Variants in EXT1 observed in about 807,000 individuals in gnomAD.
The protein encoded by EXT1 is exostosin-1.
Under a neutral mutation model 82.5 loss-of-function variants are expected in EXT1, and 20 were observed. The observed-to-expected ratio is 0.24, with a 90% confidence interval of 0.17 to 0.35. The LOEUF is 0.35. Among genes scored for constraint, EXT1 ranks in the 10% least tolerant of loss-of-function variants. The pLI is 1.00. For missense variants in EXT1, 757 were observed against 936.5 expected, an observed-to-expected ratio of 0.81 and a Z score of 2.50; for synonymous variants, 348 against 350.8, an observed-to-expected ratio of 0.99 and a Z score of 0.09.
At chr8:117,802,297 C>T (rs1349763704) in intron 10 of EXT1, among the ~76,000 whole-genome samples, 1 of 152,128 alleles carries the variant, frequency 6.6e-6, no homozygotes, top group Admixed American at 6.5e-5. Context: ...AGTGAGTGTT[C>T]TGAAGAACTC....
At chr8:117,986,717 G>A (rs745730131) in intron 1 of EXT1, among the ~76,000 whole-genome samples, 1 of 152,120 alleles carries the variant, frequency 6.6e-6, no homozygotes, top group East Asian at 1.9e-4. Context: ...GGACCACTTC[G>A]TGGGTTCTTA....
chr8:117,829,736 G>A (rs1264643990), intron 4 of EXT1, among the ~76,000 whole-genome samples: 2 of 151,758 alleles, frequency 1.3e-5, no homozygotes, highest in Non-Finnish European at 2.9e-5. Context: ...ACCATGCCTG[G>A]CTAATTTTTT....
chr8:117,969,699 G>A (rs971467629), intron 1 of EXT1, among the ~76,000 whole-genome samples: 21 of 152,172 alleles, frequency 1.4e-4, no homozygotes, highest in Non-Finnish European at 8.8e-5. Flanking sequence ...GTGTGTGCGC[G>A]CGCACGCGTG....
At chr8:117,939,729 C>G (rs1350805000) in intron 1 of EXT1, among the ~76,000 whole-genome samples, 1 of 152,212 alleles carries the variant, frequency 6.6e-6, no homozygotes, top group Non-Finnish European at 1.5e-5. Context: ...GTCCTGTGCA[C>G]TTTCTTTCTT....
At chr8:117,815,755 AC>A (rs1264154755) in intron 7 of EXT1, among the ~76,000 whole-genome samples, 6 of 152,090 alleles carry the variant, frequency 3.9e-5, no homozygotes, top group Admixed American at 2.0e-4. Flanking sequence ...ACATGGAGAA[AC>A]CCCCTCTCTA....
At chr8:117,910,184 C>T (rs982372940) in intron 1 of EXT1, among the ~76,000 whole-genome samples, 3 of 152,166 alleles carry the variant, frequency 2.0e-5, no homozygotes, top group African/African-American at 7.2e-5. Context: ...ATGCCTCAGC[C>T]AGATGCACAA....
chr8:118,074,574 G>GAA (rs34617562), intron 1 of EXT1, among the ~76,000 whole-genome samples: 36 of 132,266 alleles, frequency 2.7e-4, no homozygotes, highest in East Asian at 6.2e-4. Flanking sequence ...AGAGAAGAGA[G>GAA]AAAAAAAAAA....
chr8:118,066,957 T>C (rs2451157), intron 1 of EXT1, among the ~76,000 whole-genome samples: 40,193 of 152,136 alleles, frequency 0.26, 6,241 homozygotes, highest in East Asian at 0.47. Flanking sequence ...AATATGTGCT[T>C]AACAAACGTC....
In EXT1 at chr8:117,961,871, C is replaced by A. The variant is rs573414140; in HGVS notation, c.963-124670G>T. On this transcript the variant is annotated intron_variant, in intron 1 of 10. Transcript: ENST00000378204. ...CCTTTCATGGTCGCCTTGCATAGAA[C>A]CACAGATCTCATAGTTGAAAGGAGT... Among the ~76,000 whole-genome samples, 7 of 152,268 alleles carry A rather than the reference C, an allele frequency of 4.6e-5. No individual in the cohort carries two copies. In the South Asian group the frequency reaches 1.2e-3, roughly 27 times the overall value.
intron 1 of EXT1, among the ~76,000 whole-genome samples, chr8:118,051,328 A>T (rs1816713958): frequency 6.6e-6 from 1 of 152,194 alleles, no homozygotes; most frequent in African/African-American, 2.4e-5. Context: ...ACAGAGCAAG[A>T]TCCTATCTCA....
At chr8:117,984,424 G>A (rs1430871366) in intron 1 of EXT1, among the ~76,000 whole-genome samples, 3 of 139,950 alleles carry the variant, frequency 2.1e-5, no homozygotes, top group Admixed American at 7.4e-5. Context: ...GTGAAACTCC[G>A]TCTCAAAAAC....
At chr8:118,023,766 G>A (rs1014744316) in intron 1 of EXT1, among the ~76,000 whole-genome samples, 3 of 152,222 alleles carry the variant, frequency 2.0e-5, no homozygotes, top group African/African-American at 4.8e-5. Flanking sequence ...AATAGCAGCT[G>A]CAACAGCAGG....
intron 1 of EXT1, among the ~76,000 whole-genome samples, chr8:117,879,220 C>T (rs1322079247): frequency 6.6e-6 from 1 of 152,156 alleles, no homozygotes; most frequent in Non-Finnish European, 1.5e-5. Context: ...ATATTTCTAA[C>T]CCTTCCATTT....
At chr8:117,936,659 G>A (rs905201171) in intron 1 of EXT1, among the ~76,000 whole-genome samples, 4 of 152,200 alleles carry the variant, frequency 2.6e-5, no homozygotes, top group African/African-American at 9.7e-5. Flanking sequence ...CAGATCACCT[G>A]AGGGCAGGAT....
intron 1 of EXT1, among the ~76,000 whole-genome samples, chr8:118,026,060 A>G (rs1385052888): frequency 1.3e-5 from 2 of 152,176 alleles, no homozygotes; most frequent in African/African-American, 2.4e-5. Flanking sequence ...TTCTTCAGTT[A>G]CAGAGGTTGG....
intron 1 of EXT1, among the ~76,000 whole-genome samples, chr8:117,900,472 A>G (rs1031272257): frequency 5.9e-5 from 9 of 152,212 alleles, no homozygotes; most frequent in Admixed American, 2.0e-4. Context: ...ACGGTGGGAT[A>G]CAGCACAGAG....
chr8:117,854,779 C>T (rs994107443), intron 1 of EXT1, among the ~76,000 whole-genome samples: 3 of 152,188 alleles, frequency 2.0e-5, no homozygotes, highest in African/African-American at 7.2e-5. Context: ...CCAAGGCTGA[C>T]AGAGATGTGA....
At chr8:118,031,229 C>A (rs1816311324) in intron 1 of EXT1, among the ~76,000 whole-genome samples, 1 of 152,034 alleles carries the variant, frequency 6.6e-6, no homozygotes, top group South Asian at 2.1e-4. Flanking sequence ...ATATACAAAT[C>A]CTAATATTTT....
intron 1 of EXT1, among the ~76,000 whole-genome samples, chr8:117,971,733 T>C (rs1814943800): frequency 6.6e-6 from 1 of 152,210 alleles, no homozygotes; most frequent in Non-Finnish European, 1.5e-5. Flanking sequence ...TCACGTAAAT[T>C]ATAGATGCTT....
Sources: gnomAD v4.1 joint callset for allele counts (sites outside exome capture counted in the v4.1 genomes callset) on GRCh38, gnomAD v4.1.1 for gene constraint, MANE v1.5 for transcripts, NCBI Gene and HGNC (gene_info 2026-07-23, HGNC 2026-07-21) for gene names.